OXR1: variants seen among roughly 807,000 people sequenced by gnomAD.
The protein encoded by OXR1 is oxidation resistance 1, also known as oxidation resistance protein 1.
OXR1 carries 41 observed loss-of-function variants against 104.6 expected under a neutral mutation model. That is an observed-to-expected ratio of 0.39 (90% CI 0.31 to 0.51). The LOEUF is 0.51. Among genes scored for constraint, OXR1 ranks in the 20% least tolerant of loss-of-function variants. The pLI is 0.77. For synonymous variants in OXR1, 348 were observed against 348.4 expected (o/e 1.00, Z 0.01); for missense variants, 955 against 1,031.9 (o/e 0.93, Z 1.02).
intron 5 of OXR1, 82 bp downstream of exon 5, chr8:106,683,388 A>G (rs1164439131): frequency 3.4e-6 from 2 of 581,642 alleles, no homozygotes; most frequent in Non-Finnish European, 3.0e-6. Flanking sequence ...GTAGTTAATA[A>G]TATAGAAAAT....
intron 2 of OXR1, among the ~76,000 whole-genome samples, chr8:106,362,953 C>A (rs1816309409): frequency 6.6e-6 from 1 of 152,198 alleles, no homozygotes; most frequent in South Asian, 2.1e-4. Context: ...GAAGGCTCAA[C>A]TGATTTTGCA....
At chr8:106,304,744 A>C (rs1183763403) in intron 1 of OXR1, among the ~76,000 whole-genome samples, 1 of 152,172 alleles carries the variant, frequency 6.6e-6, no homozygotes, top group Non-Finnish European at 1.5e-5. Context: ...TTAAGGGCTC[A>C]GTAGCCACAT....
intron 16 of OXR1, among the ~76,000 whole-genome samples, chr8:106,749,330 G>A (rs1015574561): frequency 3.4e-5 from 5 of 146,876 alleles, no homozygotes; most frequent in South Asian, 2.1e-4. Flanking sequence ...GTGACAGAGC[G>A]AGACTCTGTC....
At chr8:106,532,869 A>G (rs1366152848) in intron 3 of OXR1, among the ~76,000 whole-genome samples, 1 of 152,262 alleles carries the variant, frequency 6.6e-6, no homozygotes, top group Non-Finnish European at 1.5e-5. Flanking sequence ...TTTTGAATTA[A>G]TATACATTGA....
chr8:106,668,654 G>A (rs975859774), intron 3 of OXR1, among the ~76,000 whole-genome samples: 3 of 152,156 alleles, frequency 2.0e-5, no homozygotes, highest in African/African-American at 4.8e-5. Flanking sequence ...ATAGGATGGT[G>A]AGGTATATTT....
At chr8:106,432,129 G>A (rs567200006) in intron 2 of OXR1, among the ~76,000 whole-genome samples, 38 of 152,096 alleles carry the variant, frequency 2.5e-4, no homozygotes, top group Non-Finnish European at 4.3e-4. Context: ...ACCTGCCCTT[G>A]CTACTTCCCT....
chr8:106,354,648 C>T (rs1429888255), intron 1 of OXR1, among the ~76,000 whole-genome samples: 2 of 151,996 alleles, frequency 1.3e-5, no homozygotes, highest in African/African-American at 4.8e-5. Context: ...CTTCCAAGAA[C>T]CATTTTTATA....
intron 2 of OXR1, among the ~76,000 whole-genome samples, chr8:106,370,655 T>C (rs1816667503): frequency 6.6e-6 from 1 of 152,196 alleles, no homozygotes; most frequent in African/African-American, 2.4e-5. Context: ...ATTGAGGTAA[T>C]CATGTGATTT....
intron 16 of OXR1, among the ~76,000 whole-genome samples, chr8:106,750,200 A>G (rs1010950710): frequency 6.6e-6 from 1 of 151,792 alleles, no homozygotes; most frequent in East Asian, 1.9e-4. Flanking sequence ...AGAAAAACTC[A>G]TAATACCAGG....
chr8:106,642,031 C>A (rs1823692687), intron 3 of OXR1, among the ~76,000 whole-genome samples: 2 of 152,062 alleles, frequency 1.3e-5, no homozygotes, highest in South Asian at 4.1e-4. Flanking sequence ...CTCAGTGTCC[C>A]AAGTTGCTGT....
At chr8:106,700,398 A>G (rs1450795723) in intron 7 of OXR1, among the ~76,000 whole-genome samples, 3 of 152,168 alleles carry the variant, frequency 2.0e-5, no homozygotes, top group Admixed American at 1.3e-4. Context: ...CTCTTGATTT[A>G]TGGAGAATGA....
At chr8:106,360,139 C>T (rs1816176150) in intron 2 of OXR1, among the ~76,000 whole-genome samples, 1 of 151,982 alleles carries the variant, frequency 6.6e-6, no homozygotes, top group African/African-American at 2.4e-5. Flanking sequence ...AGCTGGCATT[C>T]TAAATAATCT....
chr8:106,636,894 A>G (rs1823188854), intron 3 of OXR1, among the ~76,000 whole-genome samples: 1 of 152,022 alleles, frequency 6.6e-6, no homozygotes, highest in South Asian at 2.1e-4. Flanking sequence ...GATGTGTATG[A>G]TTTTCAATTT....
At chr8:106,429,363 G>A (rs893617412) in intron 2 of OXR1, among the ~76,000 whole-genome samples, 1 of 152,008 alleles carries the variant, frequency 6.6e-6, no homozygotes, top group African/African-American at 2.4e-5. Context: ...ACACACTTAA[G>A]AAATGCTTAC....
At chr8:106,743,577 TC>T (rs2131585861) in intron 15 of OXR1, among the ~76,000 whole-genome samples, 1 of 152,318 alleles carries the variant, frequency 6.6e-6, no homozygotes, top group Non-Finnish European at 1.5e-5. Flanking sequence ...CTCCTCGGCC[TC>T]CCAGAGTGCT....
chr8:106,518,095 C>G (rs982797778), intron 2 of OXR1, among the ~76,000 whole-genome samples: 3 of 152,056 alleles, frequency 2.0e-5, no homozygotes, highest in Non-Finnish European at 4.4e-5. Context: ...ACTAGAAAAG[C>G]CTAAATCATA....
intron 2 of OXR1, among the ~76,000 whole-genome samples, chr8:106,440,374 T>A (rs1254651255): frequency 6.6e-6 from 1 of 152,146 alleles, no homozygotes; most frequent in East Asian, 1.9e-4. Flanking sequence ...CAATCTCTAA[T>A]GAAAATGTGA....
chr8:106,464,751 A>G (rs1306607360), intron 2 of OXR1, among the ~76,000 whole-genome samples: 1 of 152,030 alleles, frequency 6.6e-6, no homozygotes, highest in Non-Finnish European at 1.5e-5. Flanking sequence ...TTTTTAAAAA[A>G]CATTCATTTA....
intron 1 of OXR1, among the ~76,000 whole-genome samples, chr8:106,295,443 A>G (rs1362996260): frequency 6.6e-6 from 1 of 152,182 alleles, no homozygotes; most frequent in Non-Finnish European, 1.5e-5. Flanking sequence ...ATTATAATGT[A>G]TACATATAAT....
Sources: gnomAD v4.1 joint callset for allele counts (sites outside exome capture counted in the v4.1 genomes callset) on GRCh38, gnomAD v4.1.1 for gene constraint, MANE v1.5 for transcripts, NCBI Gene and HGNC (gene_info 2026-07-23, HGNC 2026-07-21) for gene names.